The following TANC1 variants were observed in gnomAD, a reference collection of about 807,000 sequenced individuals.
TANC1 encodes tetratricopeptide repeat, ankyrin repeat and coiled-coil containing 1, also known as protein TANC1.
TANC1 carries 77 observed loss-of-function variants against 149.7 expected under a neutral mutation model. That is an observed-to-expected ratio of 0.51 (90% CI 0.43 to 0.62). The LOEUF (loss-of-function observed/expected upper bound fraction) is 0.62. TANC1 is among the 20% of genes least tolerant of loss of function. The pLI is 0.00. For missense variants in TANC1, 1,985 were observed against 2,321.8 expected (o/e 0.85, Z 2.98); for synonymous variants, 854 against 925.0 (o/e 0.92, Z 1.39).
chr2:159,050,881 T>C (rs2041414669), intron 2 of TANC1, among the ~76,000 whole-genome samples: 1 of 152,220 alleles, frequency 6.6e-6, no homozygotes, highest in African/African-American at 2.4e-5. Flanking sequence ...GAATTATCAG[T>C]ACATTGAAAT....
chr2:159,185,947 A>G (rs1009287790), intron 15 of TANC1, 48 bp downstream of exon 15: 2 of 1,455,936 alleles, frequency 1.4e-6, no homozygotes, highest in Non-Finnish European at 1.9e-6. Flanking sequence ...TGTCATTTTG[A>G]GGTTTTGCTT....
chr2:159,069,291 A>G (rs932331225), intron 3 of TANC1, among the ~76,000 whole-genome samples: 51 of 152,122 alleles, frequency 3.4e-4, no homozygotes, highest in African/African-American at 1.1e-3. Flanking sequence ...TGAGCACTAT[A>G]TTTTTCTTGA....
Position 159,229,793 on chromosome 2 carries a change from C to G in TANC1, c.4367C>G (p.Ser1456Cys). Residue 1456 changes from serine to cysteine, a missense_variant, in exon 27 of 27, where the codon TCT becomes TGT. Around this residue, in one of 3 missense-constraint regions of TANC1, gnomAD observed 920 missense variants for 994.7 expected, o/e 0.92. Transcript: ENST00000263635. ...CCTGGCTTAAGTGACCACTTTCACT[C>G]TGAGGAGACTGAAGAGGAAGAAACT... ...PTPGLSDHFH[S>C]EETEEEETSP... is the part of the protein sequence containing the mutation. 1 of 1,614,104 alleles carries G rather than the reference C, an allele frequency of 6.2e-7. No individual in the cohort carries two copies. Among genetic ancestry groups the G allele is most frequent in the Non-Finnish European group, 8.5e-7 (1 of 1,180,022 alleles).
At chr2:158,980,413 C>T (rs922868800) in intron 1 of TANC1, among the ~76,000 whole-genome samples, 5 of 151,932 alleles carry the variant, frequency 3.3e-5, no homozygotes, top group Non-Finnish European at 7.3e-5. Context: ...CTATGCATTT[C>T]TAACTTAGGA....
chr2:159,157,450 G>A (rs771478321), intron 7 of TANC1, among the ~76,000 whole-genome samples: 8 of 152,196 alleles, frequency 5.3e-5, no homozygotes, highest in Non-Finnish European at 8.8e-5. Flanking sequence ...CCAAAATGTG[G>A]CCTGGTGGCT....
rs112052782 is a variant in TANC1 at position 159,025,971 on chromosome 2, A to G, written c.-16+24782A>G. On this transcript the variant is annotated intron_variant, in intron 2 of 26. Transcript: ENST00000263635. ...TTTTGTAGAGACAGGGTCTCACTCTATCGCCCAGGCTGGAGTGCAGTGGCA... is the reference window on the plus strand; with the variant it reads ...TTTTGTAGAGACAGGGTCTCACTCTGTCGCCCAGGCTGGAGTGCAGTGGCA... 1.1e-4 allele frequency among the ~76,000 whole-genome samples: 17 copies of G among 152,262 alleles called. 2 individuals are homozygous for G. Among genetic ancestry groups the G allele is most frequent in the South Asian group, 4.1e-4 (2 of 4,824 alleles).
intron 2 of TANC1, among the ~76,000 whole-genome samples, chr2:159,012,785 T>C (rs933508875): frequency 6.6e-6 from 1 of 152,222 alleles, no homozygotes; most frequent in African/African-American, 2.4e-5. Context: ...GACCTAAATA[T>C]AAAGCTCTAC....
chr2:158,987,748 C>T (rs75622198), intron 1 of TANC1, among the ~76,000 whole-genome samples: 6,721 of 152,130 alleles, frequency 0.044, 233 homozygotes, highest in Non-Finnish European at 0.063. Flanking sequence ...ACACAGCCTC[C>T]CTGAGCTGTT....
chr2:159,093,643 ATCT>A (rs1476440993), intron 3 of TANC1, among the ~76,000 whole-genome samples: 1 of 152,110 alleles, frequency 6.6e-6, no homozygotes, highest in South Asian at 2.1e-4. Context: ...GAAGTTAGAG[ATCT>A]TTTATTGCCT....
At chr2:159,020,805 CA>C in intron 2 of TANC1, among the ~76,000 whole-genome samples, 1 of 151,964 alleles carries the variant, frequency 6.6e-6, no homozygotes, top group East Asian at 1.9e-4. Context: ...CCTCTGGACA[CA>C]CACATCTGTT....
At chr2:159,135,376 G>C (rs2050559264) in intron 4 of TANC1, among the ~76,000 whole-genome samples, 1 of 152,258 alleles carries the variant, frequency 6.6e-6, no homozygotes, top group Non-Finnish European at 1.5e-5. Context: ...GTTACTGTGA[G>C]CATTCGTGTA....
intron 2 of TANC1, among the ~76,000 whole-genome samples, chr2:159,033,705 C>T (rs1237679294): frequency 6.6e-6 from 1 of 152,188 alleles, no homozygotes; most frequent in Non-Finnish European, 1.5e-5. Flanking sequence ...ATAGGGTTAG[C>T]ACCTCAGATG....
intron 3 of TANC1, among the ~76,000 whole-genome samples, chr2:159,079,533 A>G (rs559276775): frequency 2.0e-5 from 3 of 152,262 alleles, no homozygotes; most frequent in East Asian, 3.9e-4. Flanking sequence ...TTTGGGCAGT[A>G]TAGCAGCCAG....
Position 159,178,547 on chromosome 2 carries a change from C to T in TANC1, c.1903-9C>T, listed in dbSNP as rs1170800012. The T allele has an allele frequency of 2.6e-6, 4 of 1,541,370 alleles. No homozygotes were observed. The highest frequency in any genetic ancestry group is 4.3e-5 in the Admixed American group (2 of 47,054). On this transcript the variant is annotated splice_polypyrimidine_tract_variant and intron_variant, in intron 13 of 26. Transcript: ENST00000263635. ...GAGTGACACTGTGGGTTTTTGTTTT[C>T]TCCCCCAGGAAATCATAAGTGCGCT...
At chr2:159,199,205 C>T (rs1473631360) in intron 19 of TANC1, 152 bp downstream of exon 19, 3 of 564,864 alleles carry the variant, frequency 5.3e-6, no homozygotes, top group Non-Finnish European at 9.3e-6. Context: ...GAACTTTCTA[C>T]ATGAGTAGCA....
intron 6 of TANC1, chr2:159,149,489 A>G (rs1260083139): frequency 5.1e-6 from 3 of 583,812 alleles, no homozygotes; most frequent in Non-Finnish European, 9.1e-6. Context: ...AAATGTCCAC[A>G]TTAACCTTCT....
At chr2:159,084,271 C>T (rs1407735933) in intron 3 of TANC1, among the ~76,000 whole-genome samples, 1 of 151,840 alleles carries the variant, frequency 6.6e-6, no homozygotes, top group African/African-American at 2.4e-5. Context: ...AAAATTCGGT[C>T]ATTTCATTTT....
At chr2:159,097,179 G>A (rs996920867) in intron 3 of TANC1, among the ~76,000 whole-genome samples, 1 of 152,100 alleles carries the variant, frequency 6.6e-6, no homozygotes, top group African/African-American at 2.4e-5. Context: ...TGTGGATGTA[G>A]ACTACACTCT....
At chr2:159,218,951 A>G (rs978987365) in intron 20 of TANC1, among the ~76,000 whole-genome samples, 2 of 152,168 alleles carry the variant, frequency 1.3e-5, no homozygotes, top group African/African-American at 4.8e-5. Context: ...CCTTGTAGAT[A>G]GTGATTGGCA....
Sources: allele counts gnomAD v4.1 joint callset (sites outside exome capture counted in the v4.1 genomes callset), GRCh38; gene constraint gnomAD v4.1.1; regional missense constraint gnomAD v4.1.1; transcripts MANE v1.5; gene names NCBI Gene and HGNC (gene_info 2026-07-23, HGNC 2026-07-21).